The following NCKAP5 variants were observed in gnomAD, a reference collection of about 807,000 sequenced individuals.
The protein encoded by NCKAP5 is nck-associated protein 5.
NCKAP5 carries 92 observed loss-of-function variants against 167.0 expected under a neutral mutation model. The ratio of observed to expected loss-of-function variants is 0.55; its 90% CI spans 0.47 to 0.66. The LOEUF is 0.66. Ranked by LOEUF, NCKAP5 falls within the 30% of genes least tolerant of loss-of-function variation. The pLI is 0.00. For missense variants in NCKAP5, 2,378 were observed against 2,315.0 expected (o/e 1.03, Z -0.56); for synonymous variants, 891 against 877.4 (o/e 1.02, Z -0.27).
In NCKAP5 at chr2:132,731,694, T is replaced by G. The variant is rs199979909; in HGVS notation, c.5443+43A>C. 131 of 1,516,734 alleles carry G rather than the reference T, an allele frequency of 8.6e-5. No individual in the cohort carries two copies. In the East Asian group the frequency reaches 2.7e-3, roughly 31 times the overall value. The allele number at this position is 1,516,734 out of a possible 1,614,324, so 94.0% of individuals were successfully genotyped here. On this transcript the variant is annotated intron_variant, in intron 17 of 19. Transcript: ENST00000409261. ...CCTGGTGAAAAGTTTCCCTTTTTTTTGTCAGCAAATGTCTTATTAAGGGTG... is the reference window on the plus strand; with the variant it reads ...CCTGGTGAAAAGTTTCCCTTTTTTTGGTCAGCAAATGTCTTATTAAGGGTG...
intron 3 of NCKAP5, among the ~76,000 whole-genome samples, chr2:133,478,629 A>C (rs1680157092): frequency 6.6e-6 from 1 of 152,162 alleles, no homozygotes; most frequent in African/African-American, 2.4e-5. Context: ...ATGCTGAATA[A>C]ATTTTGCTAA....
intron 5 of NCKAP5, among the ~76,000 whole-genome samples, chr2:133,176,886 C>T (rs866883945): frequency 3.9e-5 from 6 of 152,278 alleles, no homozygotes; most frequent in African/African-American, 1.2e-4. Context: ...CTTTAGGGTT[C>T]TGAAGTCCAT....
Position 133,049,361 on chromosome 2 carries a change from C to G in NCKAP5, c.342-55122G>C, listed in dbSNP as rs191698476. On this transcript the variant is annotated intron_variant, in intron 6 of 19. Transcript: ENST00000409261. ...GAGATTGAGAGCATCCTGGCTAACA[C>G]AGTGAAACCCCGTCTCTACTAAAAT... Among the ~76,000 whole-genome samples, 146 of 152,014 alleles carry G rather than the reference C, an allele frequency of 9.6e-4. 2 individuals are homozygous for G. The highest frequency in any genetic ancestry group is 3.3e-3 in the African/African-American group (136 of 41,490).
intron 11 of NCKAP5, among the ~76,000 whole-genome samples, chr2:132,805,532 C>T (rs1685360107): frequency 6.6e-6 from 1 of 151,750 alleles, no homozygotes; most frequent in Non-Finnish European, 1.5e-5. Context: ...TATTATTATT[C>T]CATGGTTATC....
the NCKAP5 span, among the ~76,000 whole-genome samples, chr2:133,653,697 C>A: frequency 6.6e-6 from 1 of 152,346 alleles, no homozygotes; most frequent in African/African-American, 2.4e-5. Context: ...GTGAACTCAG[C>A]AACCTCTAGG....
chr2:133,477,986 G>A (rs1682872899), intron 3 of NCKAP5, among the ~76,000 whole-genome samples: 1 of 152,212 alleles, frequency 6.6e-6, no homozygotes, highest in African/African-American at 2.4e-5. Flanking sequence ...GCAAAACTGA[G>A]GATAAGAGGG....
chr2:133,380,902 A>C (rs1686473316), intron 3 of NCKAP5, among the ~76,000 whole-genome samples: 1 of 152,242 alleles, frequency 6.6e-6, no homozygotes, highest in Non-Finnish European at 1.5e-5. Flanking sequence ...CCATTTAAAA[A>C]TAGAAAAGTA....
At chr2:133,024,178 C>A (rs1215121892) in intron 6 of NCKAP5, among the ~76,000 whole-genome samples, 2 of 152,064 alleles carry the variant, frequency 1.3e-5, no homozygotes, top group Non-Finnish European at 2.9e-5. Flanking sequence ...ACAAGCTCTT[C>A]CAAAGAAAAT....
At chr2:133,194,542 C>T (rs1393914108) in intron 5 of NCKAP5, among the ~76,000 whole-genome samples, 2 of 151,970 alleles carry the variant, frequency 1.3e-5, no homozygotes, top group South Asian at 2.1e-4. Context: ...ACTGATGTTA[C>T]GATTTTTATT....
the NCKAP5 span, among the ~76,000 whole-genome samples, chr2:133,602,259 A>C: frequency 6.6e-6 from 1 of 152,150 alleles, no homozygotes; most frequent in Non-Finnish European, 1.5e-5. Flanking sequence ...ACAGCAAAGA[A>C]GAGAAGAATG....
chr2:132,947,797 G>A (rs1302440006), intron 8 of NCKAP5, among the ~76,000 whole-genome samples: 13 of 152,130 alleles, frequency 8.5e-5, no homozygotes, highest in Admixed American at 8.5e-4. Context: ...CACTTCGGGA[G>A]ATTTCACGAT....
chr2:133,016,818 T>TA (rs917704637), intron 6 of NCKAP5, among the ~76,000 whole-genome samples: 77 of 148,698 alleles, frequency 5.2e-4, no homozygotes, highest in Non-Finnish European at 7.0e-4. Context: ...CTTTCCTCAC[T>TA]AAAAAAAAAA....
chr2:133,242,719 T>C (rs1006936463), intron 4 of NCKAP5, among the ~76,000 whole-genome samples: 4 of 152,212 alleles, frequency 2.6e-5, no homozygotes, highest in Non-Finnish European at 5.9e-5. Context: ...AAAATGCTTT[T>C]GAAAAACAGC....
chr2:133,232,634 AG>A (rs2087205757), intron 4 of NCKAP5, among the ~76,000 whole-genome samples: 1 of 152,210 alleles, frequency 6.6e-6, no homozygotes, highest in African/African-American at 2.4e-5. Context: ...TGTCACCAAA[AG>A]AAAAGGAAGA....
chr2:133,151,618 A>T (rs1221971526), intron 5 of NCKAP5, among the ~76,000 whole-genome samples: 1 of 152,180 alleles, frequency 6.6e-6, no homozygotes, highest in Non-Finnish European at 1.5e-5. Flanking sequence ...CACTGACAAC[A>T]CCAAATGCTG....
At chr2:133,432,917 G>A (rs987138239) in intron 3 of NCKAP5, among the ~76,000 whole-genome samples, 6 of 152,160 alleles carry the variant, frequency 3.9e-5, no homozygotes. Flanking sequence ...AAACACTGCT[G>A]TGATGAATAT....
chr2:133,091,490 A>G (rs542167073), intron 6 of NCKAP5, among the ~76,000 whole-genome samples: 12 of 152,284 alleles, frequency 7.9e-5, no homozygotes, highest in African/African-American at 2.9e-4. Context: ...GGCCCTGGGT[A>G]TATTTCCTCA....
intron 3 of NCKAP5, among the ~76,000 whole-genome samples, chr2:133,491,667 A>G (rs139301090): frequency 1.3e-5 from 2 of 152,132 alleles, no homozygotes; most frequent in African/African-American, 4.8e-5. Flanking sequence ...GAAGTGAGGG[A>G]GGGAGTTTTG....
chr2:133,022,012 T>G (rs2078546701), intron 6 of NCKAP5, among the ~76,000 whole-genome samples: 2 of 152,182 alleles, frequency 1.3e-5, no homozygotes, highest in African/African-American at 4.8e-5. Context: ...ATGATATATT[T>G]TCTCCTTTGG....
Sources: allele counts gnomAD v4.1 joint callset (sites outside exome capture counted in the v4.1 genomes callset), GRCh38; gene constraint gnomAD v4.1.1; transcripts MANE v1.5; gene names NCBI Gene and HGNC (gene_info 2026-07-23, HGNC 2026-07-21).